ADGRA1: variants seen among roughly 807,000 people sequenced by gnomAD.
ADGRA1 encodes G-protein coupled receptor 123.
Under a neutral mutation model 21.3 loss-of-function variants are expected in ADGRA1, and 12 were observed. The ratio of observed to expected loss-of-function variants is 0.56; its 90% CI spans 0.36 to 0.91. The LOEUF (loss-of-function observed/expected upper bound fraction) is 0.91, where lower values mean the gene tolerates loss of function less well. ADGRA1 is among the 40% of genes least tolerant of loss of function. The pLI, the probability that ADGRA1 is intolerant of heterozygous loss-of-function variation, is 0.01. For missense variants in ADGRA1, 790 were observed against 805.6 expected, an observed-to-expected ratio of 0.98 and a Z score of 0.23; for synonymous variants, 385 against 368.8, an observed-to-expected ratio of 1.04 and a Z score of -0.50.
chr10:133,111,171 CGCCGTG>C (rs1851987738), intron 5 of ADGRA1, among the ~76,000 whole-genome samples: 2 of 137,580 alleles, frequency 1.5e-5, no homozygotes, highest in South Asian at 2.2e-4. Flanking sequence ...ACCACCTGCC[CGCCGTG>C]AGCACCTCCC....
At chr10:133,095,477 G>A (rs1851669365) in intron 2 of ADGRA1, among the ~76,000 whole-genome samples, 2 of 152,230 alleles carry the variant, frequency 1.3e-5, no homozygotes, top group African/African-American at 2.4e-5. Context: ...CCAGCTCTGC[G>A]GCCCCACAGC....
At chr10:133,127,502 C>T (rs530622436) in intron 6 of ADGRA1, among the ~76,000 whole-genome samples, 171 bp downstream of exon 6, 2 of 152,174 alleles carry the variant, frequency 1.3e-5, no homozygotes, top group Admixed American at 6.5e-5. Flanking sequence ...CCGAGGAGTG[C>T]GCAGCGCCCC....
chr10:133,098,554 C>A, intron 3 of ADGRA1, 86 bp from the exon 4 acceptor site: 1 of 1,508,224 alleles, frequency 6.6e-7, no homozygotes, highest in Non-Finnish European at 8.9e-7. Flanking sequence ...TTCCCGGGGA[C>A]AGAGCCTGCG....
At chr10:133,101,357 T>G (rs1851790111) in intron 4 of ADGRA1, among the ~76,000 whole-genome samples, 1 of 152,248 alleles carries the variant, frequency 6.6e-6, no homozygotes, top group Non-Finnish European at 1.5e-5. Context: ...TGAGCCCCAT[T>G]CGCATGCTAA....
At chr10:133,090,476 C>T (rs1851580073) in intron 2 of ADGRA1, among the ~76,000 whole-genome samples, 1 of 152,244 alleles carries the variant, frequency 6.6e-6, no homozygotes, top group African/African-American at 2.4e-5. Context: ...CTGAGAAAAT[C>T]TCTGAAAGTG....
intron 2 of ADGRA1, among the ~76,000 whole-genome samples, chr10:133,091,693 G>A (rs544897806): frequency 2.7e-4 from 41 of 152,348 alleles, no homozygotes; most frequent in African/African-American, 8.9e-4. Flanking sequence ...CTCAATGCCG[G>A]GATTGAGTGC....
intron 5 of ADGRA1, among the ~76,000 whole-genome samples, chr10:133,106,161 T>A (rs1851889951): frequency 6.6e-6 from 1 of 152,062 alleles, no homozygotes; most frequent in African/African-American, 2.4e-5. Context: ...CTGATGGGTG[T>A]GTGGCCTGGA....
At chr10:133,122,399 C>T (rs1852286888) in intron 5 of ADGRA1, among the ~76,000 whole-genome samples, 1 of 152,172 alleles carries the variant, frequency 6.6e-6, no homozygotes, top group Admixed American at 6.5e-5. Flanking sequence ...GCTAGTGTGC[C>T]AGGAGGGATC....
chr10:133,093,193 C>G (rs770110629), intron 2 of ADGRA1: 1 of 1,594,024 alleles, frequency 6.3e-7, no homozygotes, highest in Admixed American at 1.7e-5. Flanking sequence ...AGGAAGATTC[C>G]TTCAGGCAGC....
chr10:133,127,268 T>G lies in ADGRA1; in HGVS notation c.437T>G (p.Ile146Ser). Residue 146 changes from isoleucine (I) to serine (S), a missense_variant, in exon 6 of 7, where the codon ATC becomes AGC. Coordinates refer to ENST00000392607, the MANE Select transcript of ADGRA1 (RefSeq NM_001083909.3). ...GTCAGCGGAGGGGTCCCCTTTATCA[T>G]CTGTGGGGTCACGGCTGCCACGAAC... ...YLVSGGVPFI[I>S]CGVTAATNIR... 6.3e-7 allele frequency: 1 copy of G among 1,597,438 alleles called. No homozygotes were observed. Among genetic ancestry groups the G allele is most frequent in the East Asian group, 2.3e-5 (1 of 43,656 alleles).
rs146862220 is a variant in ADGRA1, at chr10:133,114,932, G to A, written c.401+12090G>A. ...CTGCTCCCTGGGCAGTGCCAGCCTC[G>A]GGTCCACACCTGGAATCCACCGTCT... On this transcript the variant is annotated intron_variant, in intron 5 of 6. Transcript: ENST00000392607. Among the ~76,000 whole-genome samples the A allele has an allele frequency of 6.6e-5, 10 of 152,304 alleles. No homozygotes were observed. The East Asian group carries it at 1.4e-3, about 21-fold the overall frequency.
intron 5 of ADGRA1, among the ~76,000 whole-genome samples, chr10:133,115,109 C>T (rs1045874427): frequency 1.3e-4 from 20 of 152,136 alleles, no homozygotes; most frequent in African/African-American, 4.6e-4. Flanking sequence ...GAGAGGGTCC[C>T]GGAAGGGCCC....
rs573852027 is a variant in ADGRA1, at chr10:133,126,269, G to A, written c.402-964G>A. On this transcript the variant is annotated intron_variant, in intron 5 of 6. Coordinates refer to ENST00000392607, the MANE Select transcript of ADGRA1 (RefSeq NM_001083909.3). ...CTGTTAGTTTTATTTTTATCAGAAA[G>A]TATCTTTATTTCATCTTTATTCTTG... is the stretch of plus-strand genomic sequence containing the variant. 5.3e-5 allele frequency among the ~76,000 whole-genome samples: 8 copies of A among 152,376 alleles called. No homozygotes were observed. The East Asian group carries it at 1.5e-3, about 29-fold the overall frequency.
At chr10:133,089,121 G>C in intron 2 of ADGRA1, 4 of 919,126 alleles carry the variant, frequency 4.4e-6, no homozygotes, top group South Asian at 5.5e-5. Flanking sequence ...CCGCGTGCTG[G>C]GTGCTGATCA....
Position 133,129,780 on chromosome 10 carries a change from C to CGTGCTGGTCCCGCA in ADGRA1, c.*270_*283dup, listed in dbSNP as rs1564857410. The CGTGCTGGTCCCGCA allele has an allele frequency of 2.2e-6, 1 of 455,640 alleles. No individual in the cohort carries two copies. The highest frequency in any genetic ancestry group is 3.7e-5 in the Admixed American group (1 of 27,154). The allele number at this position is 455,640 out of a possible 1,614,324, so 28.2% of individuals were successfully genotyped here. ...GCCCACTCCCCTTATCCCAATTCCG[C>CGTGCTGGTCCCGCA]GTGCTGGTCCCGCACACGGTCATCC... On this transcript the variant is annotated 3_prime_UTR_variant, in exon 7 of 7. Coordinates refer to ENST00000392607, the MANE Select transcript of ADGRA1 (RefSeq NM_001083909.3).
intron 5 of ADGRA1, among the ~76,000 whole-genome samples, chr10:133,123,156 C>G (rs1485616495): frequency 6.6e-6 from 1 of 152,216 alleles, no homozygotes; most frequent in African/African-American, 2.4e-5. Context: ...CTGCTAACTC[C>G]TCACAAGCCC....
chr10:133,097,838 C>CG (rs1002355562), intron 3 of ADGRA1, among the ~76,000 whole-genome samples: 23 of 152,270 alleles, frequency 1.5e-4, no homozygotes, highest in African/African-American at 5.3e-4. Context: ...GGCTCACAGA[C>CG]GGCACCCACT....
At chr10:133,096,912 G>A (rs1851698903) in intron 2 of ADGRA1, 62 bp from the exon 3 acceptor site, 22 of 1,562,794 alleles carry the variant, frequency 1.4e-5, no homozygotes, top group South Asian at 2.3e-5. Context: ...AGGCTCAGGC[G>A]ACGGCGCCGC....
intron 5 of ADGRA1, among the ~76,000 whole-genome samples, chr10:133,108,335 G>T (rs1266741287): frequency 2.6e-5 from 4 of 152,230 alleles, no homozygotes; most frequent in Admixed American, 1.3e-4. Context: ...CAGCCTTGTA[G>T]GGGAGAGTTT....
Sources: gnomAD v4.1 joint callset for allele counts (sites outside exome capture counted in the v4.1 genomes callset) on GRCh38, gnomAD v4.1.1 for gene constraint, MANE v1.5 for transcripts, NCBI Gene and HGNC (gene_info 2026-07-23, HGNC 2026-07-21) for gene names.